Variants in MAP3K21 observed in about 807,000 individuals in gnomAD.
MAP3K21 encodes mitogen-activated protein kinase kinase kinase 21, also known as mitogen-activated protein kinase kinase kinase MLK4.
Under a neutral mutation model 86.1 loss-of-function variants are expected in MAP3K21, and 63 were observed. That is an observed-to-expected ratio of 0.73 (90% CI 0.60 to 0.90). MAP3K21 has a LOEUF of 0.90. MAP3K21 is among the 40% of genes least tolerant of loss of function. The pLI is 0.00. For synonymous variants in MAP3K21, 558 were observed against 564.8 expected, an observed-to-expected ratio of 0.99 and a Z score of 0.17; for missense variants, 1,220 against 1,367.7, an observed-to-expected ratio of 0.89 and a Z score of 1.70.
chr1:233,346,711 A>T, intron 2 of MAP3K21, 89 bp downstream of exon 2: 1 of 1,151,988 alleles, frequency 8.7e-7, no homozygotes. Context: ...TTCTCAGCAT[A>T]AATAGTCGAG....
chr1:233,337,097 C>T (rs1294283), intron 1 of MAP3K21, among the ~76,000 whole-genome samples: 121,172 of 152,152 alleles, frequency 0.8, 48,439 homozygotes, highest in East Asian at 0.99. Context: ...TTAAGTGAGA[C>T]AGTGTATGTC....
intron 2 of MAP3K21, among the ~76,000 whole-genome samples, chr1:233,346,946 G>T (rs1663152878): frequency 6.6e-6 from 1 of 152,164 alleles, no homozygotes; most frequent in Non-Finnish European, 1.5e-5. Context: ...TGCAATCATG[G>T]CTCATTGTAG....
At chr1:233,336,517 G>C (rs1054345806) in intron 1 of MAP3K21, among the ~76,000 whole-genome samples, 1 of 149,128 alleles carries the variant, frequency 6.7e-6, no homozygotes. Context: ...CTCCAGCCTG[G>C]GTAACAGAGC....
Position 233,382,671 on chromosome 1 carries a change from G to C in MAP3K21, c.3071G>C (p.Arg1024Pro). 6.2e-7 allele frequency: 1 copy of C among 1,613,996 alleles called. No homozygotes were observed. The highest frequency in any genetic ancestry group is 2.2e-5 in the East Asian group (1 of 44,884). The change falls in exon 10 of 10, where the codon CGG becomes CCG. Residue 1024 changes from arginine (R) to proline (P), a missense_variant. Physicochemically the swap from Arg to Pro is moderately radical, Grantham distance 103 (BLOSUM62 -2). Transcript: ENST00000366624. ...TGCAGAATGAGGAGCAAAACCAGCC[G>C]GCCATCTATATATGAACTGGAGAAA... ...PLCRMRSKTSRPSIYELEKEF... is the reference protein window; with the variant it reads ...PLCRMRSKTSPPSIYELEKEF...
Position 233,362,125 on chromosome 1 carries a change from C to T in MAP3K21, c.1384C>T (p.Arg462Trp), listed in dbSNP as rs149651212. 17 of 1,613,868 alleles carry T rather than the reference C, an allele frequency of 1.1e-5. No individual in the cohort carries two copies. The African/African-American group carries it at 2.0e-4, about 19-fold the overall frequency. The change falls in exon 5 of 10, where the codon CGG becomes TGG. Residue 462 changes from arginine (R) to tryptophan (W), a missense_variant. Physicochemically the swap from Arg to Trp is moderately radical, Grantham distance 101. Transcript: ENST00000366624. ...GAAGTCTCAGGAGGAGCTGCTAAAG[C>T]GGCGTGAGCAGCAGCTGGCAGAGCG... ...QQKSQEELLK[R>W]REQQLAEREI...
At chr1:233,339,292 CTCTTCTTCTTCCTCTTCTTCTTCCTCT>C (rs1232798742) in intron 1 of MAP3K21, among the ~76,000 whole-genome samples, 24 of 35,642 alleles carry the variant, frequency 6.7e-4, no homozygotes, top group African/African-American at 2.3e-3. Flanking sequence ...CTTCTTCTTC[CTCTTCTTCTTCCTCTTCTTCTTCCTCT>C]TCTTCTTCTT....
intron 2 of MAP3K21, among the ~76,000 whole-genome samples, chr1:233,350,401 A>G (rs1444378827): frequency 6.6e-6 from 1 of 152,198 alleles, no homozygotes; most frequent in East Asian, 1.9e-4. Context: ...CCATTCATAT[A>G]CAAAAGCACA....
In MAP3K21 at chr1:233,339,392, C is replaced by CTT. The variant is rs1662990396; in HGVS notation, c.806-7050_806-7049insTT. The stretch of plus-strand genomic sequence containing the variant: ...TCCTTCTCCTTCTTCTCCTTCTTCT[C>CTT]CTCCTTCTCCTCCTCCTCCTCCTCC... On this transcript the variant is annotated intron_variant, in intron 1 of 9. Coordinates refer to ENST00000366624, the MANE Select transcript of MAP3K21 (RefSeq NM_032435.3). Among the ~76,000 whole-genome samples, 3 of 76,800 alleles carry CTT rather than the reference C, an allele frequency of 3.9e-5. No individual in the cohort carries two copies. The Admixed American group carries it at 5.7e-4, about 15-fold the overall frequency. 50.4% of individuals were successfully genotyped at this position (76,800 alleles called of 152,430 possible).
intron 4 of MAP3K21, 137 bp from the exon 5 acceptor site, chr1:233,361,916 C>A: frequency 9.2e-7 from 1 of 1,091,736 alleles, no homozygotes; most frequent in Non-Finnish European, 1.3e-6. Flanking sequence ...AGGGCTTGAG[C>A]AGAGGAAGAG....
rs1263517796 is a variant in MAP3K21 at position 233,328,437 on chromosome 1, C to A, written c.409C>A (p.Gln137Lys). 1.3e-6 allele frequency: 2 copies of A among 1,495,926 alleles called. No homozygotes were observed. 92.7% of individuals were successfully genotyped at this position (1,495,926 alleles called of 1,614,324 possible). A position where few individuals can be genotyped will look rare whatever the true frequency, so the allele number is the denominator to read the frequency against. ...KELIGAGGFG[Q>K]VYRATWQGQE... ...GCTCATCGGCGCTGGGGGCTTCGGG[C>A]AGGTGTACCGCGCCACCTGGCAGGG... Residue 137 changes from glutamine to lysine, a missense_variant, in exon 1 of 10, where the codon CAG becomes AAG. Gln to Lys is a moderately conservative substitution (Grantham distance 53). Around this residue, in one of 5 missense-constraint regions of MAP3K21, gnomAD observed 369 missense variants for 385.3 expected, o/e 0.96. Transcript: ENST00000366624. This position sits in a 1 kb window ranked among gnomAD's most constrained non-coding sequence, Gnocchi z 8.7.
rs1305393723 is a variant in MAP3K21 at position 233,349,932 on chromosome 1, T to C, written c.986+3310T>C. On this transcript the variant is annotated intron_variant, in intron 2 of 9. Transcript: ENST00000366624. Reference sequence around the variant, plus strand: ...AGCCTGATGACAGAGCAAGACTCTGTCTCAAAAAAGAAAAAAAAAAAGGCG... The same window carrying C: ...AGCCTGATGACAGAGCAAGACTCTGCCTCAAAAAAGAAAAAAAAAAAGGCG... Among the ~76,000 whole-genome samples, 8 of 150,688 alleles carry C rather than the reference T, an allele frequency of 5.3e-5. No homozygotes were observed. In the East Asian group the frequency reaches 1.6e-3, roughly 29 times the overall value.
chr1:233,367,415 C>A (rs1437810759), intron 5 of MAP3K21, among the ~76,000 whole-genome samples: 1 of 152,184 alleles, frequency 6.6e-6, no homozygotes, highest in African/African-American at 2.4e-5. Flanking sequence ...GCTGCTATGA[C>A]CAGGCATCTT....
At position 233,336,306 on chromosome 1, in the gene MAP3K21, T is replaced by C. The variant is rs1033446925; in HGVS notation, c.805+7473T>C. Among the ~76,000 whole-genome samples the C allele has an allele frequency of 7.2e-5, 11 of 152,224 alleles. No individual in the cohort carries two copies. In the East Asian group the frequency reaches 2.1e-3, roughly 29 times the overall value. ...CTGTAATTCCAGTACTTTGGGAGGC[T>C]GAGGTGGGTGGATCACTTGAGGTCA... On this transcript the variant is annotated intron_variant, in intron 1 of 9. Coordinates refer to ENST00000366624, the MANE Select transcript of MAP3K21 (RefSeq NM_032435.3).
intron 6 of MAP3K21, chr1:233,372,941 A>G (rs1411489001): frequency 6.6e-6 from 1 of 151,876 alleles, no homozygotes; most frequent in Admixed American, 6.6e-5. Context: ...CTGTTTACTC[A>G]TCCTTATTTG....
rs199838703 is a variant in MAP3K21 at position 233,334,059 on chromosome 1, G to A, written c.805+5226G>A. Among the ~76,000 whole-genome samples the A allele has an allele frequency of 2.9e-4, 44 of 151,884 alleles. 1 individual carries two copies. The highest frequency in any genetic ancestry group is 2.4e-3 in the Admixed American group (37 of 15,246). ...TTTTTGTATTTTTAGTAGAGATGGG[G>A]TTTCACCGTGTTAGCCAGGATGGTC... On this transcript the variant is annotated intron_variant, in intron 1 of 9. Transcript: ENST00000366624.
chr1:233,382,992 C>A lies in MAP3K21; in HGVS notation c.*281C>A. 7.2e-6 allele frequency: 2 copies of A among 279,166 alleles called. No individual in the cohort carries two copies. Among genetic ancestry groups the A allele is most frequent in the Non-Finnish European group, 1.4e-5 (2 of 146,492 alleles). The allele number at this position is 279,166 out of a possible 1,614,324, so 17.3% of individuals were successfully genotyped here. A position where few individuals can be genotyped will look rare whatever the true frequency, so the allele number is the denominator to read the frequency against. On this transcript the variant is annotated 3_prime_UTR_variant, in exon 10 of 10. Coordinates refer to ENST00000366624, the MANE Select transcript of MAP3K21 (RefSeq NM_032435.3). Reference sequence around the variant, plus strand: ...ATGCTGGGTCGAATTACCTTCAGCACAATGTTAATGTTTTTGTTCTCATTT... The same window carrying A: ...ATGCTGGGTCGAATTACCTTCAGCAAAATGTTAATGTTTTTGTTCTCATTT...
At chr1:233,346,932 G>A (rs867266000) in intron 2 of MAP3K21, among the ~76,000 whole-genome samples, 6 of 152,156 alleles carry the variant, frequency 3.9e-5, no homozygotes, top group East Asian at 1.9e-4. Context: ...TGAATTTTCC[G>A]TGATGCAATC....
chr1:233,345,247 A>G (rs1221561892), intron 1 of MAP3K21, among the ~76,000 whole-genome samples: 1 of 152,198 alleles, frequency 6.6e-6, no homozygotes, highest in African/African-American at 2.4e-5. Flanking sequence ...TACCCAAAGG[A>G]TTATAAATCA....
intron 1 of MAP3K21, among the ~76,000 whole-genome samples, chr1:233,345,726 T>TATAATAATAATAATA (rs72300159): frequency 1.4e-5 from 2 of 146,240 alleles, no homozygotes; most frequent in South Asian, 2.2e-4. Flanking sequence ...GAACTCAAAG[T>TATAATAATAATAATA]ATAATAATAA....
Sources: gnomAD v4.1 joint callset for allele counts (sites outside exome capture counted in the v4.1 genomes callset) on GRCh38, gnomAD v4.1.1 for gene constraint, gnomAD v4.1.1 regional missense constraint, Gnocchi (gnomAD v3.1) non-coding constraint, MANE v1.5 for transcripts, NCBI Gene and HGNC (gene_info 2026-07-23, HGNC 2026-07-21) for gene names.